The following EML2 variants were observed in gnomAD, a reference collection of about 807,000 sequenced individuals.
The protein encoded by EML2 is EMAP like 2.
A neutral mutation model predicts 84.7 loss-of-function variants in EML2; 59 were observed. The observed-to-expected ratio is 0.70, with a 90% CI of 0.56 to 0.86. The LOEUF is 0.86. EML2 is among the 40% of genes least tolerant of loss of function. The pLI is 0.00. For missense variants in EML2, 818 were observed against 855.6 expected (o/e 0.96, Z 0.55); for synonymous variants, 352 against 348.9 (o/e 1.01, Z -0.10).
At chr19:45,617,082 C>T (rs1971178375) in intron 13 of EML2, among the ~76,000 whole-genome samples, 1 of 152,058 alleles carries the variant, frequency 6.6e-6, no homozygotes. Flanking sequence ...CCCGTCTCTA[C>T]TAAAAATACA....
chr19:45,609,845 C>G, intron 18 of EML2, 57 bp from the exon 19 acceptor site: 4 of 1,580,200 alleles, frequency 2.5e-6, no homozygotes, highest in Non-Finnish European at 3.4e-6. Context: ...GCCACCCCAT[C>G]ATGGTCCTCT....
chr19:45,621,333 CTG>C lies in EML2; in HGVS notation c.997-3_997-2del. The C allele has an allele frequency of 1.2e-6, 2 of 1,600,066 alleles. No homozygotes were observed. The highest frequency in any genetic ancestry group is 4.5e-5 in the East Asian group (2 of 44,628). On this transcript the variant is annotated splice_acceptor_variant and splice_polypyrimidine_tract_variant and intron_variant, in intron 10 of 18. Transcript: ENST00000245925. LOFTEE classifies it high-confidence loss of function. ...GCACAGGGCCAAAGTCCTCAGGGAC[CTG>C]GGTGGACAGATAAGAGGGAAGATGA...
At position 45,609,659 on chromosome 19, in the gene EML2, C is replaced by A. The variant is rs374687287; in HGVS notation, c.*4G>T. 2 of 1,597,414 alleles carry A rather than the reference C, an allele frequency of 1.3e-6. No homozygotes were observed. Among genetic ancestry groups the A allele is most frequent in the Non-Finnish European group, 1.7e-6 (2 of 1,173,666 alleles). On this transcript the variant is annotated 3_prime_UTR_variant, in exon 19 of 19. Coordinates refer to ENST00000245925, the MANE Select transcript of EML2 (RefSeq NM_012155.4). ...CCCTGACACCTGACTCTTCCCTGGC[C>A]GCATCAGACCACCCGCCACTGTAGC...
rs569398654 is a variant in EML2 at position 45,629,708 on chromosome 19, T to C, written c.606+243A>G. Among the ~76,000 whole-genome samples, 5 of 150,716 alleles carry C rather than the reference T, an allele frequency of 3.3e-5. No individual in the cohort carries two copies. In the South Asian group the frequency reaches 8.5e-4, roughly 26 times the overall value. On this transcript the variant is annotated intron_variant, in intron 7 of 18. Coordinates refer to ENST00000245925, the MANE Select transcript of EML2 (RefSeq NM_012155.4). ...CTTCTGAGCTCAAGCAATCCTCTCA[T>C]GTCGGCCTCCCAAGGTGCTAGGGTT...
At chr19:45,610,642 A>C (rs1222978625) in intron 18 of EML2, among the ~76,000 whole-genome samples, 1 of 152,080 alleles carries the variant, frequency 6.6e-6, no homozygotes, top group African/African-American at 2.4e-5. Context: ...GTTCGATACC[A>C]GCCTGGCCAA....
At chr19:45,645,429 C>T (rs1173038236), upstream of EML2, 2 of 1,455,570 alleles carry the variant, frequency 1.4e-6, no homozygotes, top group Admixed American at 2.6e-5. Context: ...CATAGCAACG[C>T]CCTTCGTTCC....
upstream of EML2, chr19:45,641,391 C>T: frequency 2.2e-6 from 1 of 455,432 alleles, no homozygotes; most frequent in Non-Finnish European, 4.0e-6. Flanking sequence ...GACTTCCTCA[C>T]CCAGTAGACC....
chr19:45,614,800 G>A, intron 16 of EML2, 100 bp from the exon 17 acceptor site: 4 of 977,988 alleles, frequency 4.1e-6, no homozygotes, highest in Admixed American at 3.7e-5. Flanking sequence ...AGACAGAGGA[G>A]GCTAAGGTCC....
chr19:45,625,081 C>A (rs775371161), intron 8 of EML2, among the ~76,000 whole-genome samples: 23 of 152,144 alleles, frequency 1.5e-4, no homozygotes, highest in Admixed American at 7.9e-4. Context: ...CTGACTCTTT[C>A]TTTTGAGATA....
rs775251117 is a variant in EML2 at position 45,638,585 on chromosome 19, C to T, written c.99G>A (p.Met33Ile). 9.3e-6 allele frequency: 15 copies of T among 1,614,010 alleles called. No individual in the cohort carries two copies. In the African/African-American group the frequency reaches 1.9e-4, roughly 20 times the overall value. The change falls in exon 3 of 19, where the codon ATG (methionine) becomes ATA (isoleucine). Residue 33 changes from methionine (M) to isoleucine (I), a missense_variant. Transcript: ENST00000245925. ...MFLRGRPVPM[M>I]IPDELAPTYS... ...AGGTGGGTGCCAGCTCGTCTGGGAT[C>T]ATCATGGGCACAGGGCGGCCCCTCA...
chr19:45,632,861 A>G lies in EML2; in HGVS notation c.510T>C (p.Ser170=). The part of the protein sequence containing the change: ...RAVCCVGFSK[S]NGGNLLCAVD... ...GGGTTAGGGTGGGCGAAGGACTTAC[A>G]GATTTGGAGAAGCCCACACAGCACA... Residue 170 remains serine, a splice_region_variant and synonymous_variant, in exon 6 of 19, where the codon TCT becomes TCC. Coordinates refer to ENST00000245925, the MANE Select transcript of EML2 (RefSeq NM_012155.4). 1.2e-6 allele frequency: 2 copies of G among 1,613,622 alleles called. No individual in the cohort carries two copies. Among genetic ancestry groups the G allele is most frequent in the Non-Finnish European group, 1.7e-6 (2 of 1,179,704 alleles).
intron 5 of EML2, 32 bp downstream of exon 5, chr19:45,633,038 A>C (rs1197655070): frequency 6.3e-7 from 1 of 1,593,454 alleles, no homozygotes; most frequent in African/African-American, 1.3e-5. Context: ...TGCGTCCTGC[A>C]CTCTTTTCTG....
At chr19:45,631,786 G>T (rs8113809) in intron 6 of EML2, among the ~76,000 whole-genome samples, 1 of 151,400 alleles carries the variant, frequency 6.6e-6, no homozygotes, top group Admixed American at 6.6e-5. Flanking sequence ...GTTCACTGCA[G>T]CCTCGATCTC....
intron 18 of EML2, among the ~76,000 whole-genome samples, chr19:45,610,343 G>T (rs927879146): frequency 5.9e-5 from 9 of 152,052 alleles, no homozygotes; most frequent in Non-Finnish European, 1.0e-4. Context: ...GTTGCAGTGA[G>T]CCAAGATTGT....
At chr19:45,620,103 C>T (rs2122653201) in intron 11 of EML2, among the ~76,000 whole-genome samples, 1 of 152,106 alleles carries the variant, frequency 6.6e-6, no homozygotes, top group East Asian at 1.9e-4. Flanking sequence ...AAATGTCTAA[C>T]TATTAATATT....
At chr19:45,634,957 TC>T (rs1973550332) in intron 3 of EML2, among the ~76,000 whole-genome samples, 1 of 151,990 alleles carries the variant, frequency 6.6e-6, no homozygotes, top group African/African-American at 2.4e-5. Context: ...TTCAAACGAT[TC>T]CCCTGCCTCA....
At position 45,631,487 on chromosome 19, in the gene EML2, G is replaced by A. The variant is rs182103851; in HGVS notation, c.510+1374C>T. 2.9e-3 allele frequency among the ~76,000 whole-genome samples: 443 copies of A among 151,784 alleles called. 5 individuals carry two copies. Among genetic ancestry groups the A allele is most frequent in the African/African-American group, 9.9e-3 (409 of 41,362 alleles). On this transcript the variant is annotated intron_variant, in intron 6 of 18. Coordinates refer to ENST00000245925, the MANE Select transcript of EML2 (RefSeq NM_012155.4). ...AGTGTGGAGTGCAGTGGTGGGATCT[G>A]AGCTCACTGCTACCTCCGCCTCCCA...
chr19:45,644,257 G>A (rs1974860459), upstream of EML2, among the ~76,000 whole-genome samples: 1 of 152,144 alleles, frequency 6.6e-6, no homozygotes, highest in South Asian at 2.1e-4. Flanking sequence ...AGGAGGAGAG[G>A]AGGAGGAAGG....
intron 4 of EML2, 63 bp downstream of exon 4, chr19:45,634,259 G>A: frequency 6.2e-7 from 1 of 1,601,132 alleles, no homozygotes; most frequent in East Asian, 2.2e-5. Flanking sequence ...GCATAGAGGG[G>A]CAGGGGCTGG....
Sources: allele counts gnomAD v4.1 joint callset (sites outside exome capture counted in the v4.1 genomes callset), GRCh38; gene constraint gnomAD v4.1.1; transcripts MANE v1.5; gene names NCBI Gene and HGNC (gene_info 2026-07-23, HGNC 2026-07-21).